AHI1: variants seen among roughly 807,000 people sequenced by gnomAD.
AHI1 encodes the protein jouberin.
A neutral mutation model predicts 149.3 loss-of-function variants in AHI1; 123 were observed. The ratio of observed to expected loss-of-function variants is 0.82; its 90% CI spans 0.71 to 0.96. AHI1 has a LOEUF of 0.96. AHI1 is among the 40% of genes least tolerant of loss of function. The pLI, the probability that AHI1 is intolerant of heterozygous loss-of-function variation, is 0.00. For synonymous variants in AHI1, 475 were observed against 459.8 expected (o/e 1.03, Z -0.42); for missense variants, 1,439 against 1,422.7 (o/e 1.01, Z -0.18).
intron 26 of AHI1, chr6:135,302,328 A>G (rs1320495912): frequency 1.0e-6 from 1 of 985,562 alleles, no homozygotes; most frequent in Non-Finnish European, 1.2e-6. Flanking sequence ...GGTTGAGGGG[A>G]GAGAAGTCAT....
intron 22 of AHI1, among the ~76,000 whole-genome samples, chr6:135,396,376 C>G (rs1396820694): frequency 6.6e-6 from 1 of 151,750 alleles, no homozygotes; most frequent in Non-Finnish European, 1.5e-5. Context: ...AATATCTATA[C>G]TTCAATGCGA....
chr6:135,467,713 T>A, intron 5 of AHI1, 79 bp from the exon 6 acceptor site: 1 of 983,862 alleles, frequency 1.0e-6, no homozygotes, highest in Non-Finnish European at 1.5e-6. Context: ...AATGTTCAAC[T>A]ATGTGGAATT....
intron 23 of AHI1, among the ~76,000 whole-genome samples, chr6:135,384,562 C>A (rs1777300295): frequency 6.6e-6 from 1 of 152,142 alleles, no homozygotes; most frequent in Admixed American, 6.5e-5. Flanking sequence ...CCTATTCAAG[C>A]TAATCAAAAT....
At chr6:135,336,910 AC>A (rs1789477490) in intron 24 of AHI1, among the ~76,000 whole-genome samples, 1 of 152,170 alleles carries the variant, frequency 6.6e-6, no homozygotes. Flanking sequence ...ACATATACAC[AC>A]ACACATACAC....
chr6:135,463,397 C>A (rs1230237805), intron 7 of AHI1, 91 bp from the exon 8 acceptor site: 1 of 1,048,296 alleles, frequency 9.5e-7, no homozygotes, highest in African/African-American at 1.6e-5. Flanking sequence ...TAAATAGGAG[C>A]AAAGATAATC....
chr6:135,332,303 C>T (rs1312627201), intron 24 of AHI1, among the ~76,000 whole-genome samples: 2 of 152,134 alleles, frequency 1.3e-5, no homozygotes, highest in African/African-American at 2.4e-5. Context: ...CTCCTGACCT[C>T]GTGATCTGCC....
chr6:135,479,251 T>C (rs902642046), intron 5 of AHI1, among the ~76,000 whole-genome samples: 5 of 152,174 alleles, frequency 3.3e-5, no homozygotes, highest in African/African-American at 1.2e-4. Flanking sequence ...GACCTCAGAA[T>C]TGTAGATCCA....
chr6:135,436,464 G>A (rs1420504608), intron 15 of AHI1, among the ~76,000 whole-genome samples: 1 of 152,162 alleles, frequency 6.6e-6, no homozygotes, highest in Non-Finnish European at 1.5e-5. Context: ...TGGTGGGAAA[G>A]AAAGCCAGAA....
At chr6:135,337,530 G>A (rs1485745160) in intron 24 of AHI1, among the ~76,000 whole-genome samples, 4 of 151,950 alleles carry the variant, frequency 2.6e-5, no homozygotes, top group Non-Finnish European at 5.9e-5. Flanking sequence ...AGGTCAAGGA[G>A]GGAGGATCAC....
At chr6:135,451,967 G>A (rs188888114) in intron 11 of AHI1, among the ~76,000 whole-genome samples, 144 of 152,140 alleles carry the variant, frequency 9.5e-4, no homozygotes, top group Non-Finnish European at 1.7e-3. Flanking sequence ...GATTGCTAAG[G>A]CCACTCTCAA....
chr6:135,294,665 C>A (rs1395018886), intron 27 of AHI1, among the ~76,000 whole-genome samples: 1 of 51,220 alleles, frequency 2.0e-5, no homozygotes, highest in Non-Finnish European at 3.6e-5. Context: ...TGTTTTTCAA[C>A]AAATGATGCT....
At chr6:135,469,982 A>G (rs1791428184) in intron 5 of AHI1, among the ~76,000 whole-genome samples, 1 of 152,200 alleles carries the variant, frequency 6.6e-6, no homozygotes, top group African/African-American at 2.4e-5. Flanking sequence ...TAATTAAACT[A>G]CAGAGCTTCT....
intron 8 of AHI1, among the ~76,000 whole-genome samples, chr6:135,462,013 T>G (rs1789970412): frequency 6.6e-6 from 1 of 152,028 alleles, no homozygotes; most frequent in Non-Finnish European, 1.5e-5. Context: ...ATGTTCAGTT[T>G]GTGAAAAAAA....
rs139718782 is a variant in AHI1, at chr6:135,496,202, C to T, written c.-139-304G>A. ...CACAATCTCAGCTCACTGCTGCCTC[C>T]GCCTCCTGGGTTCAAGCAATTCACC... On this transcript the variant is annotated intron_variant, in intron 2 of 28. Coordinates refer to ENST00000265602, the MANE Select transcript of AHI1 (RefSeq NM_001134831.2). Among the ~76,000 whole-genome samples the T allele has an allele frequency of 3.4e-3, 511 of 152,094 alleles. 4 individuals are homozygous for T. Among genetic ancestry groups the T allele is most frequent in the African/African-American group, 0.011 (467 of 41,484 alleles).
intron 24 of AHI1, among the ~76,000 whole-genome samples, chr6:135,338,680 C>G (rs1006619766): frequency 6.6e-6 from 1 of 152,122 alleles, no homozygotes; most frequent in Non-Finnish European, 1.5e-5. Context: ...AGCCAAATAA[C>G]AGTAAAAACA....
chr6:135,462,406 G>A (rs760385813), intron 8 of AHI1, among the ~76,000 whole-genome samples: 1 of 152,070 alleles, frequency 6.6e-6, no homozygotes, highest in African/African-American at 2.4e-5. Context: ...TTAGGCTGAC[G>A]AATTGGGAGG....
intron 26 of AHI1, among the ~76,000 whole-genome samples, chr6:135,310,471 T>A (rs886538844): frequency 1.3e-5 from 2 of 152,204 alleles, no homozygotes; most frequent in African/African-American, 4.8e-5. Flanking sequence ...CTGTTCTTGT[T>A]TTGAACTAGG....
intron 24 of AHI1, among the ~76,000 whole-genome samples, chr6:135,343,482 A>G (rs1790685241): frequency 6.6e-6 from 1 of 151,940 alleles, no homozygotes; most frequent in Non-Finnish European, 1.5e-5. Flanking sequence ...CCCTGATTTT[A>G]AAACTTCTAC....
intron 23 of AHI1, among the ~76,000 whole-genome samples, chr6:135,384,650 T>C (rs1777315608): frequency 6.6e-6 from 1 of 152,226 alleles, no homozygotes; most frequent in Non-Finnish European, 1.5e-5. Context: ...AGTTTTATTA[T>C]TAAAAGTGTT....
Sources: allele counts gnomAD v4.1 joint callset (sites outside exome capture counted in the v4.1 genomes callset), GRCh38; gene constraint gnomAD v4.1.1; transcripts MANE v1.5; gene names NCBI Gene and HGNC (gene_info 2026-07-23, HGNC 2026-07-21).